KANSL1: variants seen among roughly 807,000 people sequenced by gnomAD.
The protein encoded by KANSL1 is MLL1/MLL complex subunit KANSL1.
Under a neutral mutation model 103.6 loss-of-function variants are expected in KANSL1, and 22 were observed. The ratio of observed to expected loss-of-function variants is 0.21; its 90% confidence interval spans 0.15 to 0.30. The LOEUF (loss-of-function observed/expected upper bound fraction) is 0.30, where lower values mean the gene tolerates loss of function less well. Among genes scored for constraint, KANSL1 ranks in the 10% least tolerant of loss-of-function variants. KANSL1 has a pLI of 1.00. For synonymous variants in KANSL1, 600 were observed against 527.6 expected, an observed-to-expected ratio of 1.14 and a Z score of -1.88; for missense variants, 1,337 against 1,399.8, an observed-to-expected ratio of 0.96 and a Z score of 0.72.
At chr17:46,038,225 G>T in intron 10 of KANSL1, 1 of 341,964 alleles carries the variant, frequency 2.9e-6, no homozygotes, top group East Asian at 5.3e-5. Context: ...TGAGTCCTGT[G>T]TGAAACTTAG....
chr17:46,139,847 G>A (rs2147353548), intron 2 of KANSL1, among the ~76,000 whole-genome samples: 1 of 151,972 alleles, frequency 6.6e-6, no homozygotes, highest in Middle Eastern at 3.4e-3. Flanking sequence ...AAGGAATGAA[G>A]GGAAAGAAAA....
rs545732267 is a variant in KANSL1, at chr17:46,110,523, G to GTGC, written c.1290-15825_1290-15823dup. ...CAAGCAGAGCCAAGACTTGACATAG[G>GTGC]TGCTCTGGGCCAGAGTTTTTGTTAA... On this transcript the variant is annotated intron_variant, in intron 2 of 14. Coordinates refer to ENST00000432791, the MANE Select transcript of KANSL1 (RefSeq NM_015443.4). Among the ~76,000 whole-genome samples, 793 of 152,308 alleles carry GTGC rather than the reference G, an allele frequency of 5.2e-3. 7 individuals carry two copies. The highest frequency in any genetic ancestry group is 0.018 in the African/African-American group (757 of 41,560).
At chr17:46,111,661 T>C (rs558400912) in intron 2 of KANSL1, among the ~76,000 whole-genome samples, 4 of 152,356 alleles carry the variant, frequency 2.6e-5, no homozygotes, top group Admixed American at 6.5e-5. Flanking sequence ...CAAGTATACA[T>C]GGCAACGTAA....
intron 1 of KANSL1, chr17:46,215,246 T>C (rs1027394589): frequency 3.9e-5 from 6 of 152,582 alleles, no homozygotes; most frequent in Admixed American, 6.5e-5. Context: ...AGGTAACTGC[T>C]TGTGTGAAGA....
chr17:46,039,515 T>C, intron 8 of KANSL1, 187 bp downstream of exon 8: 1 of 678,348 alleles, frequency 1.5e-6, no homozygotes, highest in Non-Finnish European at 2.4e-6. Context: ...CCATGGTGTC[T>C]AGAATAGCTC....
At chr17:46,089,994 C>T (rs1259856916) in intron 3 of KANSL1, among the ~76,000 whole-genome samples, 2 of 152,190 alleles carry the variant, frequency 1.3e-5, no homozygotes, top group African/African-American at 4.8e-5. Flanking sequence ...CACCCAGAAC[C>T]TGTGAATATG....
intron 2 of KANSL1, among the ~76,000 whole-genome samples, chr17:46,110,323 A>G (rs1447709676): frequency 1.3e-5 from 2 of 152,246 alleles, no homozygotes; most frequent in Non-Finnish European, 2.9e-5. Flanking sequence ...TATAGGAATC[A>G]CAAATGAAGT....
chr17:46,066,642 A>T lies in KANSL1; in HGVS notation c.1743T>A (p.Ser581=). 1.2e-6 allele frequency: 2 copies of T among 1,614,198 alleles called. No individual in the cohort carries two copies. Among genetic ancestry groups the T allele is most frequent in the Non-Finnish European group, 1.7e-6 (2 of 1,180,030 alleles). The change falls in exon 6 of 15, where the codon TCT becomes TCA. Residue 581 remains serine, a synonymous_variant. Coordinates refer to ENST00000432791, the MANE Select transcript of KANSL1 (RefSeq NM_015443.4). ...LHKKQRLNLV[S]SSSDGTCVAA... ...CCACACAGGTGCCATCAGATGATGA[A>T]GAGACGAGATTCAGTCGTTGCTTCT...
chr17:46,143,828 A>AAAAAAAAAAAAAAAAAAAAAAAAAT (rs2044555661), intron 2 of KANSL1, among the ~76,000 whole-genome samples: 1 of 142,944 alleles, frequency 7.0e-6, no homozygotes, highest in Non-Finnish European at 1.5e-5. Flanking sequence ...AAAAAAAAAA[A>AAAAAAAAAAAAAAAAAAAAAAAAAT]GAAGTTGTTA....
At chr17:46,212,714 T>C (rs1053141283) in intron 1 of KANSL1, among the ~76,000 whole-genome samples, 2 of 152,244 alleles carry the variant, frequency 1.3e-5, no homozygotes, top group Admixed American at 1.3e-4. Context: ...GATAAATTCC[T>C]AGATGTGCAA....
At chr17:46,117,409 A>C (rs1272215757) in intron 2 of KANSL1, among the ~76,000 whole-genome samples, 1 of 152,264 alleles carries the variant, frequency 6.6e-6, no homozygotes, top group African/African-American at 2.4e-5. Flanking sequence ...GAGAGTAGGA[A>C]TTCGTCTTTG....
intron 2 of KANSL1, chr17:46,169,445 T>C (rs1365251886): frequency 6.6e-6 from 1 of 152,220 alleles, no homozygotes; most frequent in East Asian, 1.9e-4. Context: ...GCAGATAATA[T>C]AAACAAAATT....
chr17:46,098,462 T>C (rs1221911673), intron 2 of KANSL1, among the ~76,000 whole-genome samples: 1 of 152,206 alleles, frequency 6.6e-6, no homozygotes, highest in African/African-American at 2.4e-5. Flanking sequence ...GCAGCTCCTT[T>C]GAAAATACAA....
At chr17:46,103,690 CTG>C (rs2042413282) in intron 2 of KANSL1, among the ~76,000 whole-genome samples, 1 of 152,196 alleles carries the variant, frequency 6.6e-6, no homozygotes, top group Non-Finnish European at 1.5e-5. Flanking sequence ...ATTTTACTGA[CTG>C]TGCCTTTAAC....
intron 1 of KANSL1, among the ~76,000 whole-genome samples, chr17:46,186,977 C>A (rs186251069): frequency 6.6e-6 from 1 of 152,128 alleles, no homozygotes; most frequent in African/African-American, 2.4e-5. Context: ...CTCAGGTGAT[C>A]CGCCTCGGCC....
At chr17:46,185,289 T>G (rs116362577) in intron 1 of KANSL1, among the ~76,000 whole-genome samples, 236 of 152,320 alleles carry the variant, frequency 1.5e-3, no homozygotes, top group African/African-American at 5.4e-3. Context: ...AATGGGGATG[T>G]CTGAAGTGAT....
At chr17:46,048,787 G>A (rs1598479121) in intron 7 of KANSL1, among the ~76,000 whole-genome samples, 1 of 152,036 alleles carries the variant, frequency 6.6e-6, no homozygotes, top group Non-Finnish European at 1.5e-5. Context: ...ATTTCAGATA[G>A]TTGTAAAGAT....
Position 46,190,066 on chromosome 17 carries a change from G to A in KANSL1, c.-90+2757C>T, listed in dbSNP as rs1175852718. ...TACACAAATCAGGTCATAACGAACA[G>A]AACAAACCTAAAACTTCTTATTCAC... On this transcript the variant is annotated intron_variant, in intron 1 of 14. Coordinates refer to ENST00000432791, the MANE Select transcript of KANSL1 (RefSeq NM_015443.4). 3.9e-5 allele frequency among the ~76,000 whole-genome samples: 6 copies of A among 152,270 alleles called. No homozygotes were observed. The East Asian group carries it at 1.2e-3, about 29-fold the overall frequency.
At chr17:46,126,334 C>T (rs1384592919) in intron 2 of KANSL1, among the ~76,000 whole-genome samples, 1 of 152,022 alleles carries the variant, frequency 6.6e-6, no homozygotes, top group Non-Finnish European at 1.5e-5. Context: ...CCCAGCTACT[C>T]GGGAAGCTGA....
Sources: gnomAD v4.1 joint callset for allele counts (sites outside exome capture counted in the v4.1 genomes callset) on GRCh38, gnomAD v4.1.1 for gene constraint, MANE v1.5 for transcripts, NCBI Gene and HGNC (gene_info 2026-07-23, HGNC 2026-07-21) for gene names.